LARP4B: variants seen among roughly 807,000 people sequenced by gnomAD.
LARP4B encodes the protein La ribonucleoprotein 4B, also known as la-related protein 4B.
LARP4B carries 12 observed loss-of-function variants against 89.8 expected under a neutral mutation model. That is an observed-to-expected ratio of 0.13 (90% CI 0.09 to 0.22). The LOEUF (loss-of-function observed/expected upper bound fraction) is 0.22. LARP4B is among the 10% of genes least tolerant of loss of function. LARP4B has a pLI of 1.00. For missense variants in LARP4B, 757 were observed against 947.7 expected, an observed-to-expected ratio of 0.80 and a Z score of 2.64; for synonymous variants, 367 against 363.3, an observed-to-expected ratio of 1.01 and a Z score of -0.12.
intron 3 of LARP4B, 152 bp from the exon 4 acceptor site, chr10:864,422 T>TA: frequency 5.0e-6 from 3 of 596,886 alleles, no homozygotes; most frequent in African/African-American, 2.0e-5. Context: ...AGGTTCAAAA[T>TA]TAAAAAAAAA....
Position 815,159 on chromosome 10 carries a change from C to T in LARP4B, c.1696-89G>A, listed in dbSNP as rs1831968039. On this transcript the variant is annotated intron_variant, in intron 15 of 17. Transcript: ENST00000316157. ...CCCGTTCACCCCACCCGTGAACAGC[C>T]TTGGGAGAGCAGCACAAGGACATAG... 7.5e-6 allele frequency: 11 copies of T among 1,465,230 alleles called. No individual in the cohort carries two copies. In the Middle Eastern group the frequency reaches 9.8e-4, roughly 130 times the overall value. The allele number at this position is 1,465,230 out of a possible 1,614,324, so 90.8% of individuals were successfully genotyped here.
chr10:894,409 T>C (rs1487368234), intron 1 of LARP4B, among the ~76,000 whole-genome samples: 1 of 152,140 alleles, frequency 6.6e-6, no homozygotes, highest in Non-Finnish European at 1.5e-5. Flanking sequence ...ATAAAAGATA[T>C]TTAAAAGGAG....
chr10:868,120 C>T (rs955051052), intron 3 of LARP4B, among the ~76,000 whole-genome samples: 4 of 151,730 alleles, frequency 2.6e-5, no homozygotes, highest in Non-Finnish European at 5.9e-5. Flanking sequence ...ACTACCGATA[C>T]GAGACAGAAC....
At chr10:853,921 T>A (rs79577605) in intron 5 of LARP4B, among the ~76,000 whole-genome samples, 2 of 152,216 alleles carry the variant, frequency 1.3e-5, no homozygotes, top group African/African-American at 4.8e-5. Context: ...TGCTGTTTGA[T>A]ATCATTTTGT....
At chr10:973,131 T>C in the LARP4B span, 1 of 353,772 alleles carries the variant, frequency 2.8e-6, no homozygotes, top group Admixed American at 3.8e-5. Flanking sequence ...GGTCTGGTGA[T>C]GGAGGGGGAT....
At chr10:941,492 T>G in the LARP4B span, among the ~76,000 whole-genome samples, 1 of 152,102 alleles carries the variant, frequency 6.6e-6, no homozygotes, top group African/African-American at 2.4e-5. Flanking sequence ...TTTTGTATTT[T>G]TGGTAGAGAT....
At chr10:823,747 A>G (rs533111516) in intron 13 of LARP4B, among the ~76,000 whole-genome samples, 4 of 152,020 alleles carry the variant, frequency 2.6e-5, no homozygotes, top group African/African-American at 9.6e-5. Flanking sequence ...GGGTCTTAAG[A>G]ACCCCAAACT....
At chr10:958,583 C>T in the LARP4B span, among the ~76,000 whole-genome samples, 9 of 152,354 alleles carry the variant, frequency 5.9e-5, no homozygotes, top group East Asian at 1.3e-3. Flanking sequence ...CCCCACACCT[C>T]TGATTTATAT....
intron 3 of LARP4B, among the ~76,000 whole-genome samples, chr10:866,543 G>T (rs374704199): frequency 2.0e-5 from 3 of 152,178 alleles, no homozygotes; most frequent in African/African-American, 7.2e-5. Flanking sequence ...CGTTTACGCC[G>T]CTCCACCTGA....
chr10:845,074 C>A lies in LARP4B; in HGVS notation c.431-19G>T. 1 of 1,587,016 alleles carries A rather than the reference C, an allele frequency of 6.3e-7. No individual in the cohort carries two copies. Among genetic ancestry groups the A allele is most frequent in the Non-Finnish European group, 8.6e-7 (1 of 1,164,560 alleles). ...TTTCCTCCTACATAAAAGTAATAATCAACTTAGGAAAACCGGCTTAAAATT... is the reference window on the plus strand; with the variant it reads ...TTTCCTCCTACATAAAAGTAATAATAAACTTAGGAAAACCGGCTTAAAATT... On this transcript the variant is annotated intron_variant, in intron 5 of 17. Transcript: ENST00000316157.
chr10:898,657 G>A (rs1836254435), intron 1 of LARP4B, among the ~76,000 whole-genome samples: 1 of 152,174 alleles, frequency 6.6e-6, no homozygotes, highest in African/African-American at 2.4e-5. Context: ...TGGTACGAAA[G>A]GGTAATGTGA....
At chr10:807,447 G>A (rs1831597436), downstream of LARP4B, 1 of 152,420 alleles carries the variant, frequency 6.6e-6, no homozygotes, top group East Asian at 1.9e-4. Context: ...CCACGCAGAG[G>A]TGAATGAATT....
intron 11 of LARP4B, among the ~76,000 whole-genome samples, chr10:828,609 T>C (rs1832741648): frequency 6.6e-6 from 1 of 152,334 alleles, no homozygotes; most frequent in Non-Finnish European, 1.5e-5. Context: ...TGAACTCTTC[T>C]CAAAGTTACT....
intron 11 of LARP4B, among the ~76,000 whole-genome samples, chr10:827,253 G>A (rs1327894158): frequency 1.4e-5 from 2 of 144,062 alleles, no homozygotes; most frequent in Admixed American, 7.0e-5. Context: ...TCCAGCCTGG[G>A]CGACAGAGAG....
At chr10:837,971 ATATTTG>A (rs1833316434) in intron 7 of LARP4B, among the ~76,000 whole-genome samples, 1 of 152,200 alleles carries the variant, frequency 6.6e-6, no homozygotes, top group South Asian at 2.1e-4. Context: ...CTTAGAGAGC[ATATTTG>A]TAAATCACGT....
intron 1 of LARP4B, among the ~76,000 whole-genome samples, chr10:919,819 AG>A (rs1160050241): frequency 6.6e-6 from 1 of 152,230 alleles, no homozygotes; most frequent in Non-Finnish European, 1.5e-5. Flanking sequence ...TGCTTTAGGA[AG>A]AAAACCATTT....
At chr10:854,563 G>GA (rs1405072658) in intron 5 of LARP4B, among the ~76,000 whole-genome samples, 1 of 151,856 alleles carries the variant, frequency 6.6e-6, no homozygotes, top group African/African-American at 2.4e-5. Flanking sequence ...ATTAAAATCT[G>GA]AAAAATATCT....
intron 1 of LARP4B, among the ~76,000 whole-genome samples, chr10:925,305 A>G (rs1182913612): frequency 1.3e-5 from 2 of 152,202 alleles, no homozygotes; most frequent in Non-Finnish European, 2.9e-5. Flanking sequence ...CACCTGCCAC[A>G]GGAAGAAAAT....
intron 3 of LARP4B, among the ~76,000 whole-genome samples, chr10:871,955 G>A (rs1296689761): frequency 6.6e-6 from 1 of 152,146 alleles, no homozygotes; most frequent in Admixed American, 6.5e-5. Context: ...TGCAGTGTCA[G>A]TACAAAAGCT....
Sources: allele counts gnomAD v4.1 joint callset (sites outside exome capture counted in the v4.1 genomes callset), GRCh38; gene constraint gnomAD v4.1.1; transcripts MANE v1.5; gene names NCBI Gene and HGNC (gene_info 2026-07-23, HGNC 2026-07-21).